The following RPS27L variants were observed in gnomAD, a reference collection of about 807,000 sequenced individuals.
RPS27L encodes the protein ribosomal protein S27 like, also known as ribosomal protein eS27-like.
A neutral mutation model predicts 12.8 loss-of-function variants in RPS27L; 10 were observed. The ratio of observed to expected loss-of-function variants is 0.78; its 90% CI spans 0.48 to 1.33. The LOEUF (loss-of-function observed/expected upper bound fraction) is 1.33, where lower values mean the gene tolerates loss of function less well. Ranked by LOEUF, RPS27L falls within the 40% of genes most tolerant of loss-of-function variation. The pLI is 0.00. For missense variants in RPS27L, 81 were observed against 97.4 expected, an observed-to-expected ratio of 0.83 and a Z score of 0.71; for synonymous variants, 26 against 32.3, an observed-to-expected ratio of 0.81 and a Z score of 0.66.
At position 63,153,930 on chromosome 15, in the gene RPS27L, T is replaced by C. The variant is rs1209402461; in HGVS notation, c.*102A>G. On this transcript the variant is annotated 3_prime_UTR_variant, in exon 4 of 4. Coordinates refer to ENST00000330964, the MANE Select transcript of RPS27L (RefSeq NM_015920.4). ...CTGCTGTATACCTTACAAAACCAAA[T>C]GTAATTACATTATCTTGGTAAATTA... 1.9e-6 allele frequency: 2 copies of C among 1,041,782 alleles called. No homozygotes were observed. The highest frequency in any genetic ancestry group is 1.6e-5 in the African/African-American group (1 of 62,558). The allele number at this position is 1,041,782 out of a possible 1,614,324, so 64.5% of individuals were successfully genotyped here.
Position 63,156,483 on chromosome 15 carries a change from T to C in RPS27L, c.45A>G (p.Glu15=). ...GGCGTTTCTTTTTATGTTTTTTCTTTTCCTCTTCCAAGGACGGATGTAGTA... is the reference window on the plus strand; with the variant it reads ...GGCGTTTCTTTTTATGTTTTTTCTTCTCCTCTTCCAAGGACGGATGTAGTA... ...RDLLHPSLEE[E]KKKHKKKRLV... is the part of the protein sequence containing the mutation. Residue 15 remains glutamate, a synonymous_variant, in exon 2 of 4, where the codon GAA becomes GAG. Coordinates refer to ENST00000330964, the MANE Select transcript of RPS27L (RefSeq NM_015920.4). 1.2e-6 allele frequency: 2 copies of C among 1,607,870 alleles called. No individual in the cohort carries two copies. Among genetic ancestry groups the C allele is most frequent in the Non-Finnish European group, 1.7e-6 (2 of 1,176,588 alleles).
chr15:63,157,134 C>T lies in RPS27L; in HGVS notation c.6+266G>A, dbSNP rs1022543410. The T allele has an allele frequency of 1.1e-5, 6 of 553,960 alleles. No homozygotes were observed. In the African/African-American group the frequency reaches 1.2e-4, roughly 11 times the overall value. The allele number at this position is 553,960 out of a possible 1,614,324, so 34.3% of individuals were successfully genotyped here. A position where few individuals can be genotyped will look rare whatever the true frequency, so the allele number is the denominator to read the frequency against. ...ACAACCTCAGGGGCATCCTCAAAGA[C>T]CAAGACCGCTCATAAGCTACACAGA... On this transcript the variant is annotated intron_variant, in intron 1 of 3. Coordinates refer to ENST00000330964, the MANE Select transcript of RPS27L (RefSeq NM_015920.4).
intron 1 of RPS27L, chr15:63,157,091 C>A: frequency 2.2e-6 from 1 of 449,286 alleles, no homozygotes; most frequent in Non-Finnish European, 4.0e-6. Context: ...ACTGGGAAAG[C>A]CAAAAGACCC....
In RPS27L at chr15:63,148,721, G is replaced by C. The variant is rs1273830290; in HGVS notation, c.*5311C>G. On this transcript the variant is annotated 3_prime_UTR_variant, in exon 4 of 4. Transcript: ENST00000330964. ...TGAGAGTAGCCCTAGTAGTGTAGGG[G>C]GAAAGCGAGCCAGAATCAGTAGGAC... is the stretch of plus-strand genomic sequence containing the variant. The C allele has an allele frequency of 2.0e-5, 3 of 152,082 alleles. No homozygotes were observed. Among genetic ancestry groups the C allele is most frequent in the Non-Finnish European group, 4.4e-5 (3 of 68,026 alleles). The allele number at this position is 152,082 out of a possible 1,614,324, so 9.4% of individuals were successfully genotyped here.
Position 63,148,513 on chromosome 15 carries a change from AG to A in RPS27L, c.*5518del, listed in dbSNP as rs1373984658. On this transcript the variant is annotated 3_prime_UTR_variant, in exon 4 of 4. Transcript: ENST00000330964. ...CTTTCATAGACACAAAACACTGAGC[AG>A]GGCTGAAGCTGAGGGTCTGCCGGGC... The A allele has an allele frequency of 6.6e-6, 1 of 152,258 alleles. No homozygotes were observed. The highest frequency in any genetic ancestry group is 2.4e-5 in the African/African-American group (1 of 41,470). The allele number at this position is 152,258 out of a possible 1,614,324, so 9.4% of individuals were successfully genotyped here. A position where few individuals can be genotyped will look rare whatever the true frequency, so the allele number is the denominator to read the frequency against.
rs1300510770 is a variant in RPS27L at position 63,152,996 on chromosome 15, T to A, written c.*1036A>T. ...AGTAGAAACTGGACTATCTTCCTAG[T>A]CCAATGAGGAGTTGTATAGTGAGTG... On this transcript the variant is annotated 3_prime_UTR_variant, in exon 4 of 4. Coordinates refer to ENST00000330964, the MANE Select transcript of RPS27L (RefSeq NM_015920.4). 6.6e-6 allele frequency: 1 copy of A among 152,172 alleles called. No individual in the cohort carries two copies. Among genetic ancestry groups the A allele is most frequent in the Non-Finnish European group, 1.5e-5 (1 of 68,032 alleles). 9.4% of individuals were successfully genotyped at this position (152,172 alleles called of 1,614,324 possible).
intron 3 of RPS27L, 193 bp from the exon 4 acceptor site, chr15:63,154,253 T>C (rs894086659): frequency 1.1e-5 from 6 of 531,752 alleles, no homozygotes; most frequent in African/African-American, 7.7e-5. Context: ...TACTCTGGTA[T>C]GACTATAAGT....
chr15:63,155,749 C>T lies in RPS27L; in HGVS notation c.116-18G>A. The T allele has an allele frequency of 7.9e-7, 1 of 1,265,006 alleles. No homozygotes were observed. The highest frequency in any genetic ancestry group is 1.1e-6 in the Non-Finnish European group (1 of 934,288). The allele number at this position is 1,265,006 out of a possible 1,614,324, so 78.4% of individuals were successfully genotyped here. ...GTAGCAACCTAAAAAAAAAAAAAGGCAATGTTAAAAATGAAAAGCAGAGGA... is the reference window on the plus strand; with the variant it reads ...GTAGCAACCTAAAAAAAAAAAAAGGTAATGTTAAAAATGAAAAGCAGAGGA... On this transcript the variant is annotated intron_variant, in intron 2 of 3. Transcript: ENST00000330964.
chr15:63,152,164 C>G lies in RPS27L; in HGVS notation c.*1868G>C, dbSNP rs1323735077. On this transcript the variant is annotated 3_prime_UTR_variant, in exon 4 of 4. Transcript: ENST00000330964. Reference sequence around the variant, plus strand: ...CGTGGTGGCACGTGCCTGAAGTCTCCGCTACTCAGGAGGCAGAGGTGGGAG... The same window carrying G: ...CGTGGTGGCACGTGCCTGAAGTCTCGGCTACTCAGGAGGCAGAGGTGGGAG... 1.3e-5 allele frequency: 2 copies of G among 152,178 alleles called. No individual in the cohort carries two copies. The highest frequency in any genetic ancestry group is 4.8e-5 in the African/African-American group (2 of 41,412). The allele number at this position is 152,178 out of a possible 1,614,324, so 9.4% of individuals were successfully genotyped here. A position where few individuals can be genotyped will look rare whatever the true frequency, so the allele number is the denominator to read the frequency against.
At chr15:63,154,195 T>C (rs576352671) in intron 3 of RPS27L, 135 bp from the exon 4 acceptor site, 1 of 683,766 alleles carries the variant, frequency 1.5e-6, no homozygotes, top group African/African-American at 1.8e-5. Context: ...AGATTATTTA[T>C]CCTTTTATAC....
At position 63,156,766 on chromosome 15, in the gene RPS27L, CTT is replaced by C. The variant is rs1010434497; in HGVS notation, c.7-247_7-246del. ...ATCAGGAAACATATGGTAAGGCAAA[CTT>C]TGTCCTTCTTTACTCAACTGCGTAA... is the stretch of plus-strand genomic sequence containing the variant. On this transcript the variant is annotated intron_variant, in intron 1 of 3. Transcript: ENST00000330964. 24 of 590,872 alleles carry C rather than the reference CTT, an allele frequency of 4.1e-5. No individual in the cohort carries two copies. In the African/African-American group the frequency reaches 4.3e-4, roughly 11 times the overall value. The allele number at this position is 590,872 out of a possible 1,614,324, so 36.6% of individuals were successfully genotyped here. A position where few individuals can be genotyped will look rare whatever the true frequency, so the allele number is the denominator to read the frequency against.
At chr15:63,157,286 C>T in intron 1 of RPS27L, 114 bp downstream of exon 1, 1 of 1,188,904 alleles carries the variant, frequency 8.4e-7, no homozygotes, top group Non-Finnish European at 1.3e-6. Flanking sequence ...CAACCTGAGC[C>T]GCCTCGCCAC....
At chr15:63,154,208 G>GA (rs372773170) in intron 3 of RPS27L, 148 bp from the exon 4 acceptor site, 5 of 633,028 alleles carry the variant, frequency 7.9e-6, no homozygotes, top group African/African-American at 7.4e-5. Context: ...TTTTATACCA[G>GA]AAATTTGCTA....
At chr15:63,154,775 T>A (rs1248493488) in intron 3 of RPS27L, 1 of 151,312 alleles carries the variant, frequency 6.6e-6, no homozygotes, top group African/African-American at 2.5e-5. Flanking sequence ...TATATATAAT[T>A]TTTTTTTCTT....
intron 3 of RPS27L, 30 bp from the exon 4 acceptor site, chr15:63,154,090 C>G: frequency 6.4e-7 from 1 of 1,568,108 alleles, no homozygotes; most frequent in Non-Finnish European, 8.8e-7. Context: ...GTATATTAAA[C>G]AAGTGCATTC....
Position 63,148,852 on chromosome 15 carries a change from CTTTT to C in RPS27L, c.*5176_*5179del, listed in dbSNP as rs138519912. On this transcript the variant is annotated 3_prime_UTR_variant, in exon 4 of 4. Transcript: ENST00000330964. The stretch of plus-strand genomic sequence containing the variant: ...CAAACACCATGACCTGATGTCATTT[CTTTT>C]TTTTTTTTTTTTTTTTTTTTCTGAG... 0.04 allele frequency: 4,766 copies of C among 118,836 alleles called. 76 individuals are homozygous for C. Among genetic ancestry groups the C allele is most frequent in the East Asian group, 0.15 (644 of 4,358 alleles). 7.4% of individuals were successfully genotyped at this position (118,836 alleles called of 1,614,324 possible).
At position 63,149,236 on chromosome 15, in the gene RPS27L, G is replaced by T. The variant is rs970722240; in HGVS notation, c.*4796C>A. The T allele has an allele frequency of 1.3e-5, 2 of 152,056 alleles. No homozygotes were observed. Among genetic ancestry groups the T allele is most frequent in the African/African-American group, 4.8e-5 (2 of 41,416 alleles). The allele number at this position is 152,056 out of a possible 1,614,324, so 9.4% of individuals were successfully genotyped here. On this transcript the variant is annotated 3_prime_UTR_variant, in exon 4 of 4. Coordinates refer to ENST00000330964, the MANE Select transcript of RPS27L (RefSeq NM_015920.4). ...AATACAAGGTCATTATTCTATAAAA[G>T]TTATCCTTTTCTTTGTAAAATGCAA...
At chr15:63,155,558 G>T in intron 3 of RPS27L, 63 bp downstream of exon 3, 1 of 1,036,888 alleles carries the variant, frequency 9.6e-7, no homozygotes, top group South Asian at 1.5e-5. Context: ...ACTTTTCAGT[G>T]AAGATAGAGA....
Position 63,153,971 on chromosome 15 carries a change from T to A in RPS27L, c.*61A>T. The A allele has an allele frequency of 7.4e-7, 1 of 1,359,398 alleles. No individual in the cohort carries two copies. Among genetic ancestry groups the A allele is most frequent in the Non-Finnish European group, 1.0e-6 (1 of 954,470 alleles). 84.2% of individuals were successfully genotyped at this position (1,359,398 alleles called of 1,614,324 possible). A position where few individuals can be genotyped will look rare whatever the true frequency, so the allele number is the denominator to read the frequency against. ...TGGTAAATTAATTAGAATTATGGAA[T>A]TTATGATAAGGCTTTCTGTGAGACA... is the stretch of plus-strand genomic sequence containing the variant. On this transcript the variant is annotated 3_prime_UTR_variant, in exon 4 of 4. Transcript: ENST00000330964.
Sources: allele counts gnomAD v4.1 joint callset, GRCh38; gene constraint gnomAD v4.1.1; transcripts MANE v1.5; gene names NCBI Gene and HGNC (gene_info 2026-07-23, HGNC 2026-07-21).